Variants in RBM39 observed in about 807,000 individuals in gnomAD.
RBM39 encodes the protein RNA-binding protein 39.
A neutral mutation model predicts 79.6 loss-of-function variants in RBM39; 12 were observed. That is an observed-to-expected ratio of 0.15 (90% CI 0.10 to 0.24). The LOEUF is 0.24. Ranked by LOEUF, RBM39 falls within the 10% of genes least tolerant of loss-of-function variation. The probability of loss-of-function intolerance (pLI) is 1.00; values close to 1 mark genes in which losing one functional copy is unlikely to be tolerated. For missense variants in RBM39, 243 were observed against 653.4 expected, an observed-to-expected ratio of 0.37 and a Z score of 6.85; for synonymous variants, 185 against 208.4, an observed-to-expected ratio of 0.89 and a Z score of 0.97.
Position 35,701,865 on chromosome 20 carries a change from A to G in RBM39, c.*2616T>C, listed in dbSNP as rs910058741. ...CCCGCCTCCGCCTCCCAGTGTTCAC[A>G]TATACAGGCATAAGGCACCACGTCC... On this transcript the variant is annotated 3_prime_UTR_variant, in exon 17 of 17. Transcript: ENST00000253363. The G allele has an allele frequency of 1.3e-5, 2 of 152,112 alleles. No individual in the cohort carries two copies. The highest frequency in any genetic ancestry group is 4.8e-5 in the African/African-American group (2 of 41,386). The allele number at this position is 152,112 out of a possible 1,614,324, so 9.4% of individuals were successfully genotyped here.
intron 6 of RBM39, among the ~76,000 whole-genome samples, chr20:35,727,242 G>A (rs747599860): frequency 1.1e-4 from 17 of 151,854 alleles, no homozygotes; most frequent in African/African-American, 1.7e-4. Flanking sequence ...CCAGCTACTC[G>A]GGAGGCTAAC....
rs1315096322 is a variant in RBM39, at chr20:35,701,659, CAGG to C, written c.*2819_*2821del. ...TTCCCAGCTACTCGGGAGGCTGAGG[CAGG>C]AGAATCGCTTGAACCCAGAAGGTGG... On this transcript the variant is annotated 3_prime_UTR_variant, in exon 17 of 17. Coordinates refer to ENST00000253363, the MANE Select transcript of RBM39 (RefSeq NM_184234.3). The C allele has an allele frequency of 2.6e-5, 4 of 152,254 alleles. No homozygotes were observed. Among genetic ancestry groups the C allele is most frequent in the African/African-American group, 9.7e-5 (4 of 41,420 alleles). 9.4% of individuals were successfully genotyped at this position (152,254 alleles called of 1,614,324 possible). A position where few individuals can be genotyped will look rare whatever the true frequency, so the allele number is the denominator to read the frequency against.
At chr20:35,740,795 AT>A (rs1280021308) in intron 2 of RBM39, 28 bp downstream of exon 2, 2 of 1,592,720 alleles carry the variant, frequency 1.3e-6, no homozygotes, top group African/African-American at 2.7e-5. Flanking sequence ...TAAGAAATAT[AT>A]AAACCTCACC....
At chr20:35,733,542 G>A (rs544874734) in intron 3 of RBM39, among the ~76,000 whole-genome samples, 1 of 152,240 alleles carries the variant, frequency 6.6e-6, no homozygotes, top group Non-Finnish European at 1.5e-5. Flanking sequence ...CTGGGAGGCA[G>A]AGGTTGGAGT....
At chr20:35,724,783 AAG>A (rs2038444666) in intron 7 of RBM39, 61 bp from the exon 8 acceptor site, 1 of 1,557,926 alleles carries the variant, frequency 6.4e-7, no homozygotes, top group Admixed American at 1.8e-5. Flanking sequence ...GAATTATTTC[AAG>A]AGACACTGTT....
At chr20:35,707,950 T>C (rs772597618) in intron 13 of RBM39, 9 of 458,988 alleles carry the variant, frequency 2.0e-5, no homozygotes, top group Non-Finnish European at 3.1e-5. Context: ...CGTAATCATA[T>C]TATCTGACCA....
chr20:35,725,606 T>C (rs1017605819), intron 6 of RBM39, among the ~76,000 whole-genome samples: 7 of 151,536 alleles, frequency 4.6e-5, no homozygotes, highest in Non-Finnish European at 1.0e-4. Flanking sequence ...ACATGTTCAG[T>C]AAACAGAGTA....
chr20:35,729,641 G>C (rs1412943634), intron 4 of RBM39, 114 bp from the exon 5 acceptor site: 2 of 911,684 alleles, frequency 2.2e-6, no homozygotes, highest in East Asian at 5.1e-5. Context: ...TTCCACCTCA[G>C]TTATGAAGAG....
At position 35,701,935 on chromosome 20, in the gene RBM39, A is replaced by G. The variant is rs1409121080; in HGVS notation, c.*2546T>C. On this transcript the variant is annotated 3_prime_UTR_variant, in exon 17 of 17. Coordinates refer to ENST00000253363, the MANE Select transcript of RBM39 (RefSeq NM_184234.3). ...GATATACCTAGTGGCTTTATCAGAA[A>G]AAGCAAAACAGTTCATCCACTGTAA... is the stretch of plus-strand genomic sequence containing the variant. 3 of 150,018 alleles carry G rather than the reference A, an allele frequency of 2.0e-5. No homozygotes were observed. Among genetic ancestry groups the G allele is most frequent in the Admixed American group, 6.6e-5 (1 of 15,144 alleles). 9.3% of individuals were successfully genotyped at this position (150,018 alleles called of 1,614,324 possible).
At chr20:35,739,607 G>T in intron 2 of RBM39, 1 of 454,936 alleles carries the variant, frequency 2.2e-6, no homozygotes, top group Admixed American at 2.4e-5. Flanking sequence ...ACCCAAGAAA[G>T]TCAATTAATA....
At chr20:35,734,150 T>C in intron 3 of RBM39, 2 of 1,229,616 alleles carry the variant, frequency 1.6e-6, no homozygotes, top group South Asian at 2.6e-5. Flanking sequence ...AGGTCATCTT[T>C]AGAGTGCATT....
chr20:35,729,645 T>C lies in RBM39; in HGVS notation c.297-118A>G, dbSNP rs147849266. On this transcript the variant is annotated intron_variant, in intron 4 of 16. Transcript: ENST00000253363. ...GGCTACTGCTTTTCCACCTCAGTTATGAAGAGGAAACAAAAATACTTGTCT... is the reference window on the plus strand; with the variant it reads ...GGCTACTGCTTTTCCACCTCAGTTACGAAGAGGAAACAAAAATACTTGTCT... 51 of 897,940 alleles carry C rather than the reference T, an allele frequency of 5.7e-5. No homozygotes were observed. In the East Asian group the frequency reaches 1.2e-3, roughly 21 times the overall value. The allele number at this position is 897,940 out of a possible 1,614,324, so 55.6% of individuals were successfully genotyped here. A position where few individuals can be genotyped will look rare whatever the true frequency, so the allele number is the denominator to read the frequency against.
At chr20:35,713,348 T>C in intron 11 of RBM39, 1 of 325,970 alleles carries the variant, frequency 3.1e-6, no homozygotes, top group Admixed American at 4.6e-5. Context: ...ATCGCTCTTG[T>C]TGCACAGGCT....
chr20:35,720,478 GAA>G (rs1490800557), intron 9 of RBM39, among the ~76,000 whole-genome samples: 1 of 151,842 alleles, frequency 6.6e-6, no homozygotes, highest in Admixed American at 6.6e-5. Flanking sequence ...GTTACTGATA[GAA>G]AAGTCAATGG....
chr20:35,704,612 G>A (rs765255714), intron 16 of RBM39, 31 bp from the exon 17 acceptor site: 2 of 1,609,624 alleles, frequency 1.2e-6, no homozygotes, highest in Non-Finnish European at 1.7e-6. Context: ...GTTGGGTTTA[G>A]CATCTTCATT....
At chr20:35,716,637 G>A in intron 10 of RBM39, 103 bp downstream of exon 10, 1 of 741,484 alleles carries the variant, frequency 1.3e-6, no homozygotes, top group Non-Finnish European at 2.3e-6. Flanking sequence ...GCTAAGGTGG[G>A]ACATCATTTA....
chr20:35,709,993 A>C (rs1476597657), intron 12 of RBM39, among the ~76,000 whole-genome samples: 3 of 152,208 alleles, frequency 2.0e-5, no homozygotes, highest in Non-Finnish European at 4.4e-5. Flanking sequence ...GAGGGATGTG[A>C]CCAATATATT....
chr20:35,730,394 T>A (rs1471694292), intron 4 of RBM39, among the ~76,000 whole-genome samples: 1 of 152,164 alleles, frequency 6.6e-6, no homozygotes, highest in Non-Finnish European at 1.5e-5. Context: ...GATCCACACA[T>A]TTGAATTAGT....
In RBM39 at chr20:35,724,558, CA is replaced by C. The variant is rs1038271261; in HGVS notation, c.687+11del. ...CACCAATAATCAAACTCTTAACCAA[CA>C]AAAAAATTACCTGTGATGCCTGTAC... On this transcript the variant is annotated intron_variant, in intron 8 of 16. Coordinates refer to ENST00000253363, the MANE Select transcript of RBM39 (RefSeq NM_184234.3). 1 of 1,612,756 alleles carries C rather than the reference CA, an allele frequency of 6.2e-7. No homozygotes were observed. The highest frequency in any genetic ancestry group is 8.5e-7 in the Non-Finnish European group (1 of 1,179,348).
Sources: gnomAD v4.1 joint callset for allele counts (sites outside exome capture counted in the v4.1 genomes callset) on GRCh38, gnomAD v4.1.1 for gene constraint, MANE v1.5 for transcripts, NCBI Gene and HGNC (gene_info 2026-07-23, HGNC 2026-07-21) for gene names.